The following CLBA1 variants were observed in gnomAD, a reference collection of about 807,000 sequenced individuals.
The protein encoded by CLBA1 is clathrin binding box of aftiphilin containing 1.
CLBA1 carries 30 observed loss-of-function variants against 28.8 expected under a neutral mutation model. That is an observed-to-expected ratio of 1.04 (90% CI 0.78 to 1.41). CLBA1 has a LOEUF of 1.41. Ranked by LOEUF, CLBA1 falls within the 40% of genes most tolerant of loss-of-function variation. The pLI is 0.00. For synonymous variants in CLBA1, 160 were observed against 152.8 expected (o/e 1.05, Z -0.35); for missense variants, 451 against 412.3 (o/e 1.09, Z -0.81).
chr14:104,987,606 C>CTTTTTTTTTTTT lies in CLBA1; in HGVS notation c.423+772_423+783dup, dbSNP rs869117577. Among the ~76,000 whole-genome samples, 32 of 60,004 alleles carry CTTTTTTTTTTTT rather than the reference C, an allele frequency of 5.3e-4. 2 individuals carry two copies. The highest frequency in any genetic ancestry group is 1.8e-3 in the South Asian group (2 of 1,098). The allele number at this position is 60,004 out of a possible 152,430, so 39.4% of individuals were successfully genotyped here. ...GGCTGGCCTGTTTTCTCTTCCTTTT[C>CTTTTTTTTTTTT]TTTTTTTTTTTTTTTTTTTTTTTTT... On this transcript the variant is annotated intron_variant, in intron 1 of 4. Transcript: ENST00000547315.
At chr14:104,998,104 G>GA (rs1900187201), downstream of CLBA1, among the ~76,000 whole-genome samples, 1 of 151,822 alleles carries the variant, frequency 6.6e-6, no homozygotes, top group Non-Finnish European at 1.5e-5. Flanking sequence ...ATCTGAAGAG[G>GA]AAAAAATGTA....
chr14:104,991,521 T>G lies in CLBA1; in HGVS notation c.600T>G (p.Leu200=). 6.2e-7 allele frequency: 1 copy of G among 1,614,046 alleles called. No individual in the cohort carries two copies. ...AATCCAGAAAACTCTGGAGAGCCCT[T>G]CAGAGCATACACACCACGTCTACTT... ...CNESRKLWRA[L]QSIHTTSTSQ... Residue 200 remains leucine, a synonymous_variant, in exon 3 of 5, where the codon CTT becomes CTG. Transcript: ENST00000547315.
Position 104,994,688 on chromosome 14 carries a change from A to G in CLBA1, c.907A>G (p.Thr303Ala). The part of the protein sequence containing the change: ...TPSCGGGQHI[T>A]IPRKRMFTPR... ...CTCATGCGGAGGTGGCCAGCACATCACTATTCCAAGGAAAAGGATGTTCAC... is the reference window on the plus strand; with the variant it reads ...CTCATGCGGAGGTGGCCAGCACATCGCTATTCCAAGGAAAAGGATGTTCAC... The change falls in exon 5 of 5, where the codon ACT becomes GCT. Residue 303 changes from threonine (T) to alanine (A), a missense_variant. Thr to Ala is a moderately conservative substitution (Grantham distance 58). Transcript: ENST00000547315. 6.2e-7 allele frequency: 1 copy of G among 1,614,084 alleles called. No individual in the cohort carries two copies. Among genetic ancestry groups the G allele is most frequent in the Non-Finnish European group, 8.5e-7 (1 of 1,179,968 alleles).
rs766260193 is a variant in CLBA1 at position 104,988,964 on chromosome 14, A to G, written c.445A>G (p.Ile149Val). The G allele has an allele frequency of 6.2e-7, 1 of 1,612,678 alleles. No homozygotes were observed. The highest frequency in any genetic ancestry group is 1.1e-5 in the South Asian group (1 of 90,738). Residue 149 changes from isoleucine to valine, a missense_variant, in exon 2 of 5, where the codon ATT becomes GTT. Ile to Val is a conservative substitution (Grantham distance 29, BLOSUM62 3). Transcript: ENST00000547315. ...PSEPILSYEN[I>V]LKCAFQEITV... ...TCAGCCCATTCTCAGCTATGAGAAC[A>G]TTTTAAAGTGTGCTTTTCAAGAAAT...
chr14:104,992,653 G>T (rs1360939012), intron 3 of CLBA1, among the ~76,000 whole-genome samples: 1 of 152,224 alleles, frequency 6.6e-6, no homozygotes, highest in Non-Finnish European at 1.5e-5. Flanking sequence ...CCTCAGGTGC[G>T]GGCCAGCTCC....
At chr14:104,992,865 AT>A in intron 3 of CLBA1, 82 bp from the exon 4 acceptor site, 1 of 1,144,170 alleles carries the variant, frequency 8.7e-7, no homozygotes. Context: ...TTAGCATGAA[AT>A]TAGTAGAGGG....
rs535442445 is a variant in CLBA1 at position 104,993,561 on chromosome 14, C to G, written c.816+497C>G. The G allele has an allele frequency of 5.1e-6, 5 of 985,470 alleles. No individual in the cohort carries two copies. In the East Asian group the frequency reaches 5.7e-4, roughly 112 times the overall value. The allele number at this position is 985,470 out of a possible 1,614,324, so 61.0% of individuals were successfully genotyped here. ...GGTTCTTGCCACAGAGTCACTTCAT[C>G]ACATCATCACAGCCGGGCTCAAGGC... On this transcript the variant is annotated intron_variant, in intron 4 of 4. Transcript: ENST00000547315.
chr14:104,987,606 CTTTTTTTTTTTTTT>C (rs869117577), intron 1 of CLBA1, among the ~76,000 whole-genome samples: 13 of 60,008 alleles, frequency 2.2e-4, no homozygotes, highest in Admixed American at 8.5e-4. Context: ...TCTTCCTTTT[CTTTTTTTTTTTTTT>C]TTTTTTTTTT....
intron 4 of CLBA1, chr14:104,993,377 C>T (rs1033454050): frequency 3.3e-5 from 33 of 985,188 alleles, no homozygotes; most frequent in Middle Eastern, 5.2e-4. Flanking sequence ...GTGTGGATGA[C>T]GAGGCTGGAA....
intron 2 of CLBA1, chr14:104,989,873 G>A: frequency 2.7e-6 from 1 of 372,294 alleles, no homozygotes; most frequent in South Asian, 1.9e-5. Flanking sequence ...CTTTCAGAGA[G>A]CTCTGCAGAC....
chr14:104,989,974 G>A (rs1899975637), intron 2 of CLBA1: 3 of 277,952 alleles, frequency 1.1e-5, no homozygotes, highest in Non-Finnish European at 2.3e-5. Context: ...AGGGGCTTGA[G>A]GACAGAGGCC....
At chr14:104,988,382 G>A (rs796686573) in intron 1 of CLBA1, among the ~76,000 whole-genome samples, 11 of 149,694 alleles carry the variant, frequency 7.3e-5, no homozygotes, top group African/African-American at 2.7e-4. Context: ...ACCCAGGCTG[G>A]AGTGCAGTGG....
rs1421672931 is a variant in CLBA1 at position 104,989,061 on chromosome 14, C to G, written c.542C>G (p.Pro181Arg). The G allele has an allele frequency of 5.6e-6, 9 of 1,611,788 alleles. No individual in the cohort carries two copies. The highest frequency in any genetic ancestry group is 7.6e-6 in the Non-Finnish European group (9 of 1,179,302). Residue 181 changes from proline (P) to arginine (R), a missense_variant, in exon 2 of 5, where the codon CCT becomes CGT. Coordinates refer to ENST00000547315, the MANE Select transcript of CLBA1 (RefSeq NM_174891.4). The part of the protein sequence containing the change: ...HFLEISSEEK[P>R]GVERVHKLCN... ...CTAGAAATAAGCAGTGAAGAAAAAC[C>G]TGGCGTTGAACGTGTACATAAATTG...
downstream of CLBA1, among the ~76,000 whole-genome samples, chr14:104,998,338 C>T (rs974474427): frequency 3.3e-5 from 5 of 151,424 alleles, no homozygotes; most frequent in African/African-American, 1.2e-4. Context: ...TGCTTGAGCC[C>T]AGGAGTTGGA....
downstream of CLBA1, among the ~76,000 whole-genome samples, chr14:104,995,671 G>A (rs1452451710): frequency 6.6e-6 from 1 of 152,216 alleles, no homozygotes; most frequent in African/African-American, 2.4e-5. Flanking sequence ...TGTGGTATCA[G>A]TGCGATGTGC....
At chr14:104,992,025 TGCACACGCCGCCACGCACACGCCACCAC>T (rs1483397506) in intron 3 of CLBA1, among the ~76,000 whole-genome samples, 21 of 99,114 alleles carry the variant, frequency 2.1e-4, no homozygotes, top group African/African-American at 4.0e-4. Flanking sequence ...CATGCCGCCA[TGCACACGCCGCCACGCACACGCCACCAC>T]GCACACGCCG....
chr14:104,995,027 G>A lies in CLBA1; in HGVS notation c.*268G>A, dbSNP rs559505709. ...TCCAGGTGGCACTCATGGGCCCCCT[G>A]CCCCATGTGAATGCTGCTGGCACCT... is the stretch of plus-strand genomic sequence containing the variant. On this transcript the variant is annotated 3_prime_UTR_variant, in exon 5 of 5. Coordinates refer to ENST00000547315, the MANE Select transcript of CLBA1 (RefSeq NM_174891.4). 22 of 1,105,866 alleles carry A rather than the reference G, an allele frequency of 2.0e-5. No individual in the cohort carries two copies. The South Asian group carries it at 7.3e-4, about 37-fold the overall frequency. The allele number at this position is 1,105,866 out of a possible 1,614,324, so 68.5% of individuals were successfully genotyped here.
downstream of CLBA1, among the ~76,000 whole-genome samples, chr14:105,000,271 A>AT (rs1455130943): frequency 6.6e-6 from 1 of 151,018 alleles, no homozygotes; most frequent in Non-Finnish European, 1.5e-5. Flanking sequence ...CTGAACAGAC[A>AT]TTTTTTCTTT....
chr14:104,989,255 G>A, intron 2 of CLBA1, 167 bp downstream of exon 2: 3 of 648,602 alleles, frequency 4.6e-6, no homozygotes, highest in South Asian at 2.0e-5. Flanking sequence ...AGCACGATTG[G>A]CGCTCCAGCT....
Sources: gnomAD v4.1 joint callset for allele counts (sites outside exome capture counted in the v4.1 genomes callset) on GRCh38, gnomAD v4.1.1 for gene constraint, MANE v1.5 for transcripts, NCBI Gene and HGNC (gene_info 2026-07-23, HGNC 2026-07-21) for gene names.